Variants in SORT1 observed in about 807,000 individuals in gnomAD.
SORT1 encodes the protein sortilin 1.
A neutral mutation model predicts 101.7 loss-of-function variants in SORT1; 39 were observed. That is an observed-to-expected ratio of 0.38 (90% CI 0.30 to 0.50). The LOEUF (loss-of-function observed/expected upper bound fraction) is 0.50. SORT1 is among the 20% of genes least tolerant of loss of function. The pLI is 0.90. For missense variants in SORT1, 878 were observed against 1,040.4 expected, an observed-to-expected ratio of 0.84 and a Z score of 2.15; for synonymous variants, 396 against 393.7, an observed-to-expected ratio of 1.01 and a Z score of -0.07.
chr1:109,314,033 C>T lies in SORT1; in HGVS notation c.*10G>A. 1 of 1,613,806 alleles carries T rather than the reference C, an allele frequency of 6.2e-7. No individual in the cohort carries two copies. ...CCACCATCCATGCTGGGTCCAGCTC[C>T]TCTGAAGAGCTATTCCAAGAGGTCC... On this transcript the variant is annotated 3_prime_UTR_variant, in exon 20 of 20. Transcript: ENST00000256637.
At position 109,316,930 on chromosome 1, in the gene SORT1, G is replaced by A; in HGVS notation, c.2170C>T (p.Gln724Ter). 1 of 1,610,112 alleles carries A rather than the reference G, an allele frequency of 6.2e-7. No homozygotes were observed. Among genetic ancestry groups the A allele is most frequent in the Non-Finnish European group, 8.5e-7 (1 of 1,178,368 alleles). ...TCTCGAACTGGATTTACCCCACCCT[G>A]GCATTTGTCCCCTGGAATTTTCCGG... ...GYRKIPGDKC[Q>*]GGVNPVREVK... The change falls in exon 17 of 20, where the codon CAG becomes TAG. Residue 724 changes from glutamine to a stop codon, truncating the protein, a stop_gained. Transcript: ENST00000256637. LOFTEE classifies it high-confidence loss of function.
At chr1:109,336,054 T>C (rs1475970914) in intron 11 of SORT1, among the ~76,000 whole-genome samples, 186 bp downstream of exon 11, 4 of 152,218 alleles carry the variant, frequency 2.6e-5, no homozygotes, top group Non-Finnish European at 5.9e-5. Flanking sequence ...TAATCCATAG[T>C]ATTTTGACCT....
In SORT1 at chr1:109,336,278, T is replaced by C; in HGVS notation, c.1333A>G (p.Asn445Asp). The C allele has an allele frequency of 6.2e-7, 1 of 1,613,802 alleles. No individual in the cohort carries two copies. The highest frequency in any genetic ancestry group is 8.5e-7 in the Non-Finnish European group (1 of 1,179,642). ...GRWTHLRKPENSECDATAKNK... is the reference protein window; with the variant it reads ...GRWTHLRKPEDSECDATAKNK... Reference sequence around the variant, plus strand: ...TTTGCTGTAGCATCACATTCACTGTTTTCAGGCTTCCTCAGGTGCGTCCAC... The same window carrying C: ...TTTGCTGTAGCATCACATTCACTGTCTTCAGGCTTCCTCAGGTGCGTCCAC... Residue 445 changes from asparagine (N) to aspartate (D), a missense_variant, in exon 11 of 20, where the codon AAC (asparagine) becomes GAC (aspartate). Physicochemically the swap from Asn to Asp is conservative, Grantham distance 23 (BLOSUM62 1). Transcript: ENST00000256637.
In SORT1 at chr1:109,347,582, G is replaced by A. The variant is rs773150619; in HGVS notation, c.783-50C>T. ...AAGAAATGGTTTAAGACTGCTGAAG[G>A]ACTGTGTTGACCTTACTCACAAACT... On this transcript the variant is annotated intron_variant, in intron 6 of 19. Transcript: ENST00000256637. The A allele has an allele frequency of 6.9e-6, 9 of 1,301,662 alleles. No individual in the cohort carries two copies. In the East Asian group the frequency reaches 1.8e-4, roughly 27 times the overall value. 80.6% of individuals were successfully genotyped at this position (1,301,662 alleles called of 1,614,324 possible).
intron 1 of SORT1, among the ~76,000 whole-genome samples, chr1:109,370,670 T>G (rs1651435189): frequency 6.6e-6 from 1 of 152,218 alleles, no homozygotes; most frequent in Non-Finnish European, 1.5e-5. Flanking sequence ...GCTTTTTTCT[T>G]AAGACTTATA....
chr1:109,354,552 C>G, intron 4 of SORT1, 21 bp from the exon 5 acceptor site: 2 of 1,599,568 alleles, frequency 1.3e-6, no homozygotes, highest in Non-Finnish European at 1.7e-6. Flanking sequence ...GAGGAAAGAT[C>G]TGATTCAGGG....
intron 11 of SORT1, among the ~76,000 whole-genome samples, chr1:109,332,866 C>T (rs1648554257): frequency 6.6e-6 from 1 of 152,188 alleles, no homozygotes; most frequent in Non-Finnish European, 1.5e-5. Context: ...GTGAAAAAGA[C>T]AGCCTCTTAA....
intron 1 of SORT1, among the ~76,000 whole-genome samples, chr1:109,374,378 G>C (rs1651682758): frequency 6.6e-6 from 1 of 152,062 alleles, no homozygotes; most frequent in Non-Finnish European, 1.5e-5. Flanking sequence ...TTCGAGACCA[G>C]CCTGGCCAAC....
In SORT1 at chr1:109,397,841, G is replaced by C; in HGVS notation, c.52C>G (p.Leu18Val). Residue 18 changes from leucine to valine, a missense_variant, in exon 1 of 20, where the codon CTC (leucine) becomes GTC (valine). Transcript: ENST00000256637. ...ADGLSRWPHGLGLLLLLQLLP... is the reference protein window; with the variant it reads ...ADGLSRWPHGVGLLLLLQLLP... The stretch of plus-strand genomic sequence containing the variant: ...AGCTGCAGGAGGAGGAGGAGGCCGA[G>C]GCCATGGGGCCAGCGCGAGAGGCCG... 2 of 1,299,400 alleles carry C rather than the reference G, an allele frequency of 1.5e-6. No homozygotes were observed. The highest frequency in any genetic ancestry group is 2.0e-6 in the Non-Finnish European group (2 of 1,012,840). 80.5% of individuals were successfully genotyped at this position (1,299,400 alleles called of 1,614,324 possible).
intron 1 of SORT1, among the ~76,000 whole-genome samples, chr1:109,376,318 G>A (rs1329651777): frequency 8.6e-5 from 12 of 138,938 alleles, no homozygotes; most frequent in Non-Finnish European, 1.5e-4. Context: ...GCAACAGAGG[G>A]AGACTCCATC....
chr1:109,376,330 C>CAAAAAAAAAAAAAAAAAAAAAAAAA (rs35117356), intron 1 of SORT1, among the ~76,000 whole-genome samples: 1 of 93,776 alleles, frequency 1.1e-5, no homozygotes. Flanking sequence ...GACTCCATCT[C>CAAAAAAAAAAAAAAAAAAAAAAAAA]AAAAAAAAAA....
At chr1:109,340,663 G>A (rs1649150118) in intron 10 of SORT1, 61 bp downstream of exon 10, 9 of 1,561,344 alleles carry the variant, frequency 5.8e-6, no homozygotes, top group Non-Finnish European at 7.0e-6. Context: ...GTTCCCCGAA[G>A]CCTCAAATCC....
intron 1 of SORT1, among the ~76,000 whole-genome samples, chr1:109,377,941 A>C (rs953473829): frequency 6.6e-6 from 1 of 152,218 alleles, no homozygotes; most frequent in Admixed American, 6.5e-5. Context: ...AAATAAAAAA[A>C]GAATTTCAGG....
intron 3 of SORT1, among the ~76,000 whole-genome samples, chr1:109,362,107 T>C (rs1322792439): frequency 6.6e-6 from 1 of 152,184 alleles, no homozygotes; most frequent in Non-Finnish European, 1.5e-5. Context: ...ACAAGCCTTG[T>C]TTGGGCAAGA....
chr1:109,334,141 G>A (rs531404262), intron 11 of SORT1, among the ~76,000 whole-genome samples: 61 of 151,946 alleles, frequency 4.0e-4, no homozygotes, highest in African/African-American at 1.4e-3. Flanking sequence ...GCAAGACTGT[G>A]TCTTTAAAAA....
intron 1 of SORT1, among the ~76,000 whole-genome samples, chr1:109,387,257 C>T (rs1192435238): frequency 6.6e-6 from 1 of 152,148 alleles, no homozygotes; most frequent in East Asian, 1.9e-4. Flanking sequence ...TGCCACTGTA[C>T]TCCATCCAGC....
chr1:109,352,221 C>T (rs1228834747), intron 5 of SORT1, among the ~76,000 whole-genome samples: 1 of 151,998 alleles, frequency 6.6e-6, no homozygotes, highest in African/African-American at 2.4e-5. Flanking sequence ...GAATATGATG[C>T]ATTAGGGGAA....
At chr1:109,320,196 T>C (rs906323740) in intron 15 of SORT1, among the ~76,000 whole-genome samples, 6 of 152,218 alleles carry the variant, frequency 3.9e-5, no homozygotes, top group Non-Finnish European at 8.8e-5. Context: ...CTATTTTTGG[T>C]TGCAACTAAA....
chr1:109,368,908 T>C (rs1442544551), intron 2 of SORT1: 1 of 152,448 alleles, frequency 6.6e-6, no homozygotes, highest in Non-Finnish European at 1.5e-5. Context: ...CCCCAAGCAT[T>C]GTGCGCTTCC....
Sources: allele counts gnomAD v4.1 joint callset (sites outside exome capture counted in the v4.1 genomes callset), GRCh38; gene constraint gnomAD v4.1.1; transcripts MANE v1.5; gene names NCBI Gene and HGNC (gene_info 2026-07-23, HGNC 2026-07-21).